Variants in FAM184B observed in about 807,000 individuals in gnomAD.
The protein encoded by FAM184B is family with sequence similarity 184 member B, also known as protein FAM184B.
Under a neutral mutation model 135.9 loss-of-function variants are expected in FAM184B, and 111 were observed. The observed-to-expected ratio is 0.82, with a 90% CI of 0.70 to 0.96. The LOEUF (loss-of-function observed/expected upper bound fraction) is 0.96. Among genes scored for constraint, FAM184B ranks in the 40% least tolerant of loss-of-function variants. The pLI is 0.00. For synonymous variants in FAM184B, 552 were observed against 524.8 expected (o/e 1.05, Z -0.71); for missense variants, 1,375 against 1,323.9 (o/e 1.04, Z -0.60).
At chr4:17,727,757 T>C (rs1457167759) in intron 1 of FAM184B, among the ~76,000 whole-genome samples, 1 of 152,134 alleles carries the variant, frequency 6.6e-6, no homozygotes, top group Non-Finnish European at 1.5e-5. Context: ...AGTCCTTCCC[T>C]TGACATATGG....
intron 6 of FAM184B, among the ~76,000 whole-genome samples, 176 bp from the exon 7 acceptor site, chr4:17,688,707 T>TTC (rs869070192): frequency 2.1e-5 from 3 of 145,114 alleles, no homozygotes; most frequent in Admixed American, 6.9e-5. Flanking sequence ...TTTTTTTTTT[T>TTC]CTGATCCAGG....
chr4:17,778,993 C>CA (rs1166512177), intron 1 of FAM184B, among the ~76,000 whole-genome samples: 2 of 151,848 alleles, frequency 1.3e-5, no homozygotes, highest in African/African-American at 2.4e-5. Flanking sequence ...ACTTTGTTAG[C>CA]AAAAAAATCA....
intron 5 of FAM184B, among the ~76,000 whole-genome samples, chr4:17,703,709 G>A (rs982212009): frequency 6.6e-6 from 1 of 152,098 alleles, no homozygotes; most frequent in Non-Finnish European, 1.5e-5. Flanking sequence ...AAGGAGGGCG[G>A]ATCACGAGGT....
At chr4:17,767,551 CGT>C (rs1432135347) in intron 1 of FAM184B, among the ~76,000 whole-genome samples, 4 of 152,096 alleles carry the variant, frequency 2.6e-5, no homozygotes, top group Admixed American at 2.6e-4. Flanking sequence ...AATTGTTTTA[CGT>C]GTGTTTTAGA....
chr4:17,728,817 T>C (rs538755369), intron 1 of FAM184B, among the ~76,000 whole-genome samples: 1 of 152,130 alleles, frequency 6.6e-6, no homozygotes, highest in Non-Finnish European at 1.5e-5. Flanking sequence ...GCTCCCAGCG[T>C]GAGCGACACA....
chr4:17,725,052 C>T (rs754452062), intron 1 of FAM184B, among the ~76,000 whole-genome samples: 55 of 152,248 alleles, frequency 3.6e-4, no homozygotes, highest in African/African-American at 6.7e-4. Flanking sequence ...GGGGACTCAC[C>T]GCTGCAGAGC....
chr4:17,742,168 A>ATATATTTTTTT (rs1459958150), intron 1 of FAM184B, among the ~76,000 whole-genome samples: 11 of 109,288 alleles, frequency 1.0e-4, no homozygotes, highest in African/African-American at 5.3e-4. Flanking sequence ...ATATATATAT[A>ATATATTTTTTT]TTTTTTTTTT....
intron 13 of FAM184B, among the ~76,000 whole-genome samples, chr4:17,641,399 T>C (rs1312386279): frequency 6.6e-6 from 1 of 151,436 alleles, no homozygotes; most frequent in Admixed American, 6.6e-5. Flanking sequence ...TTGATGACAC[T>C]TTTGGTCCAA....
intron 1 of FAM184B, among the ~76,000 whole-genome samples, chr4:17,719,002 G>T (rs1403663072): frequency 6.6e-6 from 1 of 152,216 alleles, no homozygotes; most frequent in African/African-American, 2.4e-5. Flanking sequence ...ATGCCCACTG[G>T]ATGTCTGAAA....
At chr4:17,666,881 C>T (rs917665) in intron 7 of FAM184B, among the ~76,000 whole-genome samples, 42 of 151,700 alleles carry the variant, frequency 2.8e-4, no homozygotes, top group African/African-American at 9.4e-4. Flanking sequence ...AAATATGTCA[C>T]GGGCCACTCC....
rs1033460337 is a variant in FAM184B, at chr4:17,705,755, C to G, written c.1167G>C (p.Met389Ile). Residue 389 changes from methionine (M) to isoleucine (I), a missense_variant, in exon 4 of 18, where the codon ATG (methionine) becomes ATC (isoleucine). Coordinates refer to ENST00000265018, the MANE Select transcript of FAM184B (RefSeq NM_015688.2). ...CCAGGGCTGGGTCAGACACTACCTG[C>G]ATATCTGTGCCTCCTTTCATGCAAG... ...ECPCMKGGTDMQTKKEASAET... is the reference protein window; with the variant it reads ...ECPCMKGGTDIQTKKEASAET... 1 of 1,551,650 alleles carries G rather than the reference C, an allele frequency of 6.4e-7. No homozygotes were observed. Among genetic ancestry groups the G allele is most frequent in the African/African-American group, 1.4e-5 (1 of 73,064 alleles).
rs1276861703 is a variant in FAM184B at position 17,630,311 on chromosome 4, A to G, written c.*2221T>C. 6.6e-6 allele frequency: 1 copy of G among 152,210 alleles called. No homozygotes were observed. The highest frequency in any genetic ancestry group is 1.5e-5 in the Non-Finnish European group (1 of 68,042). The allele number at this position is 152,210 out of a possible 1,614,324, so 9.4% of individuals were successfully genotyped here. On this transcript the variant is annotated 3_prime_UTR_variant, in exon 18 of 18. Transcript: ENST00000265018. ...ATTCATATGTTGGAACCTAATGTCA[A>G]TGTAATAGTATTAAGAGGTGGGGCT... is the stretch of plus-strand genomic sequence containing the variant.
rs147513681 is a variant in FAM184B, at chr4:17,698,539, A to T, written c.1378-5127T>A. Among the ~76,000 whole-genome samples, 387 of 152,284 alleles carry T rather than the reference A, an allele frequency of 2.5e-3. 1 individual carries two copies. The highest frequency in any genetic ancestry group is 8.7e-3 in the African/African-American group (362 of 41,568). ...ATTTGGTATATATTTAAAGTTCATG[A>T]TGCAGCTGAAAGAGTCAACCAGTAC... On this transcript the variant is annotated intron_variant, in intron 5 of 17. Transcript: ENST00000265018.
intron 1 of FAM184B, among the ~76,000 whole-genome samples, chr4:17,748,823 T>C (rs1278604018): frequency 6.6e-6 from 1 of 151,838 alleles, no homozygotes; most frequent in Non-Finnish European, 1.5e-5. Flanking sequence ...GGCCTTCCTG[T>C]ATAATTTTTT....
At chr4:17,730,763 A>G (rs1717757281) in intron 1 of FAM184B, among the ~76,000 whole-genome samples, 1 of 152,226 alleles carries the variant, frequency 6.6e-6, no homozygotes, top group Non-Finnish European at 1.5e-5. Context: ...CTGAGAGAAG[A>G]AGGCTTCAGA....
At chr4:17,753,909 A>G (rs901933868) in intron 1 of FAM184B, among the ~76,000 whole-genome samples, 2 of 152,242 alleles carry the variant, frequency 1.3e-5, no homozygotes, top group Non-Finnish European at 2.9e-5. Flanking sequence ...GAAAGGCAAG[A>G]GGACTAGTGT....
chr4:17,751,866 C>CACACACACACAA (rs1312940744), intron 1 of FAM184B, among the ~76,000 whole-genome samples: 4 of 143,208 alleles, frequency 2.8e-5, no homozygotes, highest in African/African-American at 5.2e-5. Flanking sequence ...CACACACACA[C>CACACACACACAA]AAAAGAACCA....
chr4:17,638,724 G>A (rs777540456), intron 14 of FAM184B, among the ~76,000 whole-genome samples: 5 of 152,086 alleles, frequency 3.3e-5, no homozygotes, highest in Non-Finnish European at 5.9e-5. Context: ...TGATTTCTTC[G>A]AAGTGTGAGG....
chr4:17,699,522 A>G (rs1716937822), intron 5 of FAM184B, among the ~76,000 whole-genome samples: 1 of 152,184 alleles, frequency 6.6e-6, no homozygotes. Flanking sequence ...TCATTAGAAT[A>G]AAATGCAAAC....
Sources: allele counts gnomAD v4.1 joint callset (sites outside exome capture counted in the v4.1 genomes callset), GRCh38; gene constraint gnomAD v4.1.1; transcripts MANE v1.5; gene names NCBI Gene and HGNC (gene_info 2026-07-23, HGNC 2026-07-21).